Variants in SLC25A12 observed in about 807,000 individuals in gnomAD.
The protein encoded by SLC25A12 is solute carrier family 25 member 12.
SLC25A12 carries 32 observed loss-of-function variants against 83.3 expected under a neutral mutation model. The ratio of observed to expected loss-of-function variants is 0.38; its 90% confidence interval spans 0.29 to 0.52. SLC25A12 has a LOEUF of 0.52. Ranked by LOEUF, SLC25A12 falls within the 20% of genes least tolerant of loss-of-function variation. The pLI is 0.84. For missense variants in SLC25A12, 611 were observed against 835.6 expected, an observed-to-expected ratio of 0.73 and a Z score of 3.31; for synonymous variants, 267 against 291.1, an observed-to-expected ratio of 0.92 and a Z score of 0.84.
At chr2:171,827,257 A>C (rs1684321398) in intron 8 of SLC25A12, among the ~76,000 whole-genome samples, 2 of 152,194 alleles carry the variant, frequency 1.3e-5, no homozygotes, top group Non-Finnish European at 2.9e-5. Context: ...TAAATCTGAT[A>C]AATACTGGTT....
At position 171,787,948 on chromosome 2, in the gene SLC25A12, C is replaced by T. The variant is rs745410572; in HGVS notation, c.1586-1G>A. 1 of 1,614,046 alleles carries T rather than the reference C, an allele frequency of 6.2e-7. No individual in the cohort carries two copies. The highest frequency in any genetic ancestry group is 1.3e-5 in the African/African-American group (1 of 74,908). ...GTCACCAGAGATGCAGCTGGGACACCTTTCAGGAGAAAACCACATTTAATT... is the reference window on the plus strand; with the variant it reads ...GTCACCAGAGATGCAGCTGGGACACTTTTCAGGAGAAAACCACATTTAATT... On this transcript the variant is annotated splice_acceptor_variant, in intron 15 of 17. Coordinates refer to ENST00000422440, the MANE Select transcript of SLC25A12 (RefSeq NM_003705.5). LOFTEE classifies it high-confidence loss of function.
chr2:171,862,594 T>C (rs1453023739), intron 3 of SLC25A12, among the ~76,000 whole-genome samples: 2 of 152,280 alleles, frequency 1.3e-5, no homozygotes, highest in East Asian at 3.9e-4. Flanking sequence ...GGGGGAAGGA[T>C]TGCAGAGCAC....
intron 4 of SLC25A12, among the ~76,000 whole-genome samples, chr2:171,853,673 T>C (rs1322499708): frequency 1.3e-5 from 2 of 151,116 alleles, no homozygotes; most frequent in Admixed American, 1.3e-4. Context: ...AGAGTGAGGC[T>C]CCACCTCCAA....
chr2:171,848,323 T>G (rs989165662), intron 4 of SLC25A12: 1 of 470,264 alleles, frequency 2.1e-6, no homozygotes, highest in Non-Finnish European at 4.4e-6. Context: ...CCACCTACCA[T>G]CAGCCCAACG....
chr2:171,881,242 T>C (rs1685688385), intron 2 of SLC25A12, among the ~76,000 whole-genome samples: 1 of 152,066 alleles, frequency 6.6e-6, no homozygotes. Flanking sequence ...AACCACCATC[T>C]CCCAGGTTCA....
intron 5 of SLC25A12, among the ~76,000 whole-genome samples, chr2:171,842,736 C>T (rs188598841): frequency 2.0e-5 from 3 of 152,252 alleles, no homozygotes; most frequent in South Asian, 2.1e-4. Context: ...TAATGGAACA[C>T]GGTTTCTTTT....
chr2:171,849,757 C>T (rs1684880989), intron 4 of SLC25A12, among the ~76,000 whole-genome samples: 1 of 151,892 alleles, frequency 6.6e-6, no homozygotes, highest in Non-Finnish European at 1.5e-5. Flanking sequence ...AGGGTTTCAC[C>T]GTATTAGCCA....
At chr2:171,811,853 A>AT (rs1683951981) in intron 11 of SLC25A12, among the ~76,000 whole-genome samples, 1 of 152,204 alleles carries the variant, frequency 6.6e-6, no homozygotes, top group Non-Finnish European at 1.5e-5. Flanking sequence ...AATAGGGGAC[A>AT]TTTTCTTTGC....
rs545919841 is a variant in SLC25A12, at chr2:171,783,829, G to A, written c.*1445C>T. The stretch of plus-strand genomic sequence containing the variant: ...CAAAGCTAATTCTTTTGTTCCTGGA[G>A]GGCCTCCAGGGAGCCTACAGTTGCA... On this transcript the variant is annotated 3_prime_UTR_variant, in exon 18 of 18. Transcript: ENST00000422440. Among the ~76,000 whole-genome samples the A allele has an allele frequency of 2.0e-5, 3 of 152,256 alleles. No homozygotes were observed. In the South Asian group the frequency reaches 6.2e-4, roughly 32 times the overall value.
intron 5 of SLC25A12, among the ~76,000 whole-genome samples, chr2:171,842,868 C>CTGGA (rs1684709210): frequency 6.6e-6 from 1 of 152,200 alleles, no homozygotes; most frequent in Admixed American, 6.5e-5. Flanking sequence ...GTCACCCAGG[C>CTGGA]TGGAGTGCAG....
At chr2:171,813,230 C>T in intron 11 of SLC25A12, 109 bp downstream of exon 11, 1 of 1,093,996 alleles carries the variant, frequency 9.1e-7, no homozygotes. Context: ...GAGAAACAGA[C>T]CTAGTCTGGC....
At chr2:171,801,167 T>G (rs983414965) in intron 13 of SLC25A12, among the ~76,000 whole-genome samples, 2 of 152,182 alleles carry the variant, frequency 1.3e-5, no homozygotes, top group Non-Finnish European at 2.9e-5. Flanking sequence ...GGCAAGAAAG[T>G]CACTATAAAG....
At chr2:171,812,963 A>G (rs529948858) in intron 11 of SLC25A12, among the ~76,000 whole-genome samples, 1 of 152,268 alleles carries the variant, frequency 6.6e-6, no homozygotes, top group South Asian at 2.1e-4. Flanking sequence ...CAGGAAAGAG[A>G]TGTATTTCTC....
intron 2 of SLC25A12, among the ~76,000 whole-genome samples, chr2:171,882,527 A>G (rs1685719228): frequency 6.6e-6 from 1 of 152,248 alleles, no homozygotes; most frequent in Non-Finnish European, 1.5e-5. Flanking sequence ...ACAGAAACCA[A>G]AACTAAGAGA....
In SLC25A12 at chr2:171,815,102, A is replaced by T; in HGVS notation, c.1012+19T>A. On this transcript the variant is annotated intron_variant, in intron 10 of 17. Transcript: ENST00000422440. ...TACATTAACACAAGCCTCAAACAGC[A>T]CACAGACATGTCACTCACCTCCAGC... 1 of 1,600,104 alleles carries T rather than the reference A, an allele frequency of 6.2e-7. No homozygotes were observed. Among genetic ancestry groups the T allele is most frequent in the Admixed American group, 1.7e-5 (1 of 59,966 alleles).
At chr2:171,855,490 T>C (rs1216163374) in intron 4 of SLC25A12, among the ~76,000 whole-genome samples, 3 of 152,152 alleles carry the variant, frequency 2.0e-5, no homozygotes, top group African/African-American at 4.8e-5. Context: ...TAAAAATCAC[T>C]TAAAGAATGA....
At position 171,787,605 on chromosome 2, in the gene SLC25A12, G is replaced by A. The variant is rs1216763735; in HGVS notation, c.1801C>T (p.Leu601Phe). 6.2e-7 allele frequency: 1 copy of A among 1,614,166 alleles called. No homozygotes were observed. Among genetic ancestry groups the A allele is most frequent in the Admixed American group, 1.7e-5 (1 of 60,026 alleles). ...FGVTLVTYELLQRWFYIDFGG... is the reference protein window; with the variant it reads ...FGVTLVTYELFQRWFYIDFGG... ...AAATCAATGTAAAACCACCGCTGGA[G>A]AAGTTCATAAGTGACCAAGGTAACA... Residue 601 changes from leucine (L) to phenylalanine (F), a missense_variant, in exon 17 of 18, where the codon CTC becomes TTC. Physicochemically the swap from Leu to Phe is conservative, Grantham distance 22. Coordinates refer to ENST00000422440, the MANE Select transcript of SLC25A12 (RefSeq NM_003705.5).
At chr2:171,866,336 T>C (rs1573993897) in intron 3 of SLC25A12, among the ~76,000 whole-genome samples, 1 of 139,998 alleles carries the variant, frequency 7.1e-6, no homozygotes, top group South Asian at 2.5e-4. Flanking sequence ...CCGTTCTCAA[T>C]GAGCTGTTGG....
chr2:171,893,230 T>G lies in SLC25A12; in HGVS notation c.41A>C (p.His14Pro). 6.2e-7 allele frequency: 1 copy of G among 1,614,130 alleles called. No homozygotes were observed. Among genetic ancestry groups the G allele is most frequent in the Non-Finnish European group, 8.5e-7 (1 of 1,180,030 alleles). The change falls in exon 2 of 18, where the codon CAT becomes CCT. Residue 14 changes from histidine to proline, a missense_variant. By Grantham distance (77) the His-to-Pro change is moderately conservative. Coordinates refer to ENST00000422440, the MANE Select transcript of SLC25A12 (RefSeq NM_003705.5). ...CTGTAGAAATATGTTTCTTAACTCA[T>G]GAGGATCCCCTCGCTTAGTTGTCTG... ...KVQTTKRGDP[H>P]ELRNIFLQYA...
Sources: gnomAD v4.1 joint callset for allele counts (sites outside exome capture counted in the v4.1 genomes callset) on GRCh38, gnomAD v4.1.1 for gene constraint, MANE v1.5 for transcripts, NCBI Gene and HGNC (gene_info 2026-07-23, HGNC 2026-07-21) for gene names.